Variants in DLG2 observed in about 807,000 individuals in gnomAD.
DLG2 encodes the protein disks large homolog 2.
Under a neutral mutation model 132.5 loss-of-function variants are expected in DLG2, and 45 were observed. That is an observed-to-expected ratio of 0.34 (90% CI 0.27 to 0.44). DLG2 has a LOEUF of 0.44. Among genes scored for constraint, DLG2 ranks in the 20% least tolerant of loss-of-function variants. The pLI, the probability that DLG2 is intolerant of heterozygous loss-of-function variation, is 1.00. For missense variants in DLG2, 1,045 were observed against 1,196.9 expected (o/e 0.87, Z 1.87); for synonymous variants, 424 against 419.6 (o/e 1.01, Z -0.13).
chr11:84,301,461 T>A (rs912681135), intron 7 of DLG2, among the ~76,000 whole-genome samples: 4 of 151,480 alleles, frequency 2.6e-5, no homozygotes, highest in African/African-American at 9.7e-5. Context: ...ATCGAGACCA[T>A]CCTGGCTAAC....
At chr11:84,372,155 C>T (rs2098709224) in intron 7 of DLG2, among the ~76,000 whole-genome samples, 1 of 152,100 alleles carries the variant, frequency 6.6e-6, no homozygotes, top group Non-Finnish European at 1.5e-5. Flanking sequence ...TACATAGGTG[C>T]ATTAAAGTAT....
At chr11:84,958,847 A>G (rs1346988236) in intron 6 of DLG2, among the ~76,000 whole-genome samples, 1 of 152,206 alleles carries the variant, frequency 6.6e-6, no homozygotes, top group Non-Finnish European at 1.5e-5. Context: ...ACAATTCCTA[A>G]AAGACATCTA....
chr11:84,370,921 T>C (rs1427214821), intron 7 of DLG2, among the ~76,000 whole-genome samples: 1 of 152,100 alleles, frequency 6.6e-6, no homozygotes, highest in East Asian at 1.9e-4. Context: ...GAGGAGGGCA[T>C]CTAGGGGTCT....
chr11:84,750,166 A>G (rs1226646575), intron 6 of DLG2, among the ~76,000 whole-genome samples: 1 of 151,696 alleles, frequency 6.6e-6, no homozygotes, highest in Non-Finnish European at 1.5e-5. Flanking sequence ...TTTTCCTTCA[A>G]TTTTTATGTT....
chr11:84,804,977 A>C (rs1331418480), intron 6 of DLG2, among the ~76,000 whole-genome samples: 2 of 152,186 alleles, frequency 1.3e-5, no homozygotes, highest in East Asian at 1.9e-4. Flanking sequence ...CCTGATGGCA[A>C]CAATATCCAT....
chr11:83,993,570 C>T (rs143263514), intron 11 of DLG2, among the ~76,000 whole-genome samples: 89 of 152,228 alleles, frequency 5.8e-4, no homozygotes, highest in African/African-American at 2.0e-3. Context: ...AGTCAAACCA[C>T]AAGTTGACTG....
chr11:84,461,053 T>G (rs2099078939), intron 7 of DLG2, among the ~76,000 whole-genome samples: 1 of 150,880 alleles, frequency 6.6e-6, no homozygotes, highest in Non-Finnish European at 1.5e-5. Flanking sequence ...ATATTTCTGG[T>G]AGTTCACAAA....
intron 3 of DLG2, among the ~76,000 whole-genome samples, chr11:85,441,672 T>C (rs1272174307): frequency 3.3e-5 from 5 of 152,190 alleles, no homozygotes; most frequent in Non-Finnish European, 5.9e-5. Flanking sequence ...AATTAAATTA[T>C]TGATAGCACA....
chr11:85,550,166 C>G (rs2076578844), intron 3 of DLG2, among the ~76,000 whole-genome samples: 1 of 152,208 alleles, frequency 6.6e-6, no homozygotes, highest in African/African-American at 2.4e-5. Context: ...GGATGCCAGA[C>G]AAGAGCTCAG....
At chr11:85,296,781 G>A (rs1489285896) in intron 3 of DLG2, among the ~76,000 whole-genome samples, 1 of 150,892 alleles carries the variant, frequency 6.6e-6, no homozygotes, top group Non-Finnish European at 1.5e-5. Flanking sequence ...GTAAACACCT[G>A]TGTTCCAATT....
At chr11:84,658,653 G>A (rs1312909534) in intron 6 of DLG2, among the ~76,000 whole-genome samples, 1 of 152,074 alleles carries the variant, frequency 6.6e-6, no homozygotes, top group African/African-American at 2.4e-5. Context: ...TCATACAAGA[G>A]TTGGTTGTTT....
intron 3 of DLG2, among the ~76,000 whole-genome samples, chr11:85,447,088 T>G (rs2092044765): frequency 6.6e-6 from 1 of 152,202 alleles, no homozygotes; most frequent in Non-Finnish European, 1.5e-5. Flanking sequence ...AAAGACCAAC[T>G]GTACAGAAGT....
chr11:85,495,757 T>A (rs1234822060), intron 3 of DLG2, among the ~76,000 whole-genome samples: 1 of 152,140 alleles, frequency 6.6e-6, no homozygotes, highest in East Asian at 1.9e-4. Context: ...GAAATACCAT[T>A]TGACCCAGCA....
At chr11:85,399,405 T>A (rs2152959948) in intron 3 of DLG2, among the ~76,000 whole-genome samples, 1 of 152,322 alleles carries the variant, frequency 6.6e-6, no homozygotes, top group Admixed American at 6.5e-5. Flanking sequence ...ACCAATGACT[T>A]TCTTCACAGA....
intron 3 of DLG2, among the ~76,000 whole-genome samples, chr11:85,456,016 T>C (rs879658125): frequency 2.0e-5 from 3 of 152,000 alleles, no homozygotes; most frequent in Non-Finnish European, 4.4e-5. Flanking sequence ...TGATACCTGC[T>C]CCTCAACTTT....
At chr11:83,888,937 C>T (rs1359666233) in intron 15 of DLG2, among the ~76,000 whole-genome samples, 5 of 152,148 alleles carry the variant, frequency 3.3e-5, no homozygotes, top group Non-Finnish European at 4.4e-5. Flanking sequence ...CTTCCTTACA[C>T]CTTACACAAA....
chr11:83,681,602 G>A (rs2078828385), intron 18 of DLG2, among the ~76,000 whole-genome samples: 1 of 152,032 alleles, frequency 6.6e-6, no homozygotes, highest in Non-Finnish European at 1.5e-5. Flanking sequence ...ATCCCATCCC[G>A]GCAAAACGCA....
chr11:85,200,146 G>A (rs572740934), intron 4 of DLG2, among the ~76,000 whole-genome samples: 4 of 152,002 alleles, frequency 2.6e-5, no homozygotes, highest in Non-Finnish European at 4.4e-5. Flanking sequence ...GGGTCATTTC[G>A]AGAGTGCACA....
At position 85,039,192 on chromosome 11, in the gene DLG2, A is replaced by T. The variant is rs553392853; in HGVS notation, c.357+72469T>A. ...GTTTATTCACACAAAGGACCTTAGT[A>T]AGAGGAATTTTTCTTCCTGTAATTG... On this transcript the variant is annotated intron_variant, in intron 6 of 27. Transcript: ENST00000376104. Among the ~76,000 whole-genome samples, 5 of 151,848 alleles carry T rather than the reference A, an allele frequency of 3.3e-5. No homozygotes were observed. The South Asian group carries it at 1.0e-3, about 32-fold the overall frequency.
Sources: gnomAD v4.1 joint callset for allele counts (sites outside exome capture counted in the v4.1 genomes callset) on GRCh38, gnomAD v4.1.1 for gene constraint, MANE v1.5 for transcripts, NCBI Gene and HGNC (gene_info 2026-07-23, HGNC 2026-07-21) for gene names.